TENM3: variants seen among roughly 807,000 people sequenced by gnomAD.
TENM3 encodes teneurin transmembrane protein 3, also known as teneurin-3.
In TENM3, 63 loss-of-function variants were observed where a neutral mutation model predicts 255.1. The observed-to-expected ratio is 0.25, with a 90% CI of 0.20 to 0.30. The LOEUF is 0.30. Among genes scored for constraint, TENM3 ranks in the 10% least tolerant of loss-of-function variants. The probability of loss-of-function intolerance (pLI) is 1.00; values close to 1 mark genes in which losing one functional copy is unlikely to be tolerated. For synonymous variants in TENM3, 1,306 were observed against 1,322.3 expected (o/e 0.99, Z 0.27); for missense variants, 2,929 against 3,461.1 (o/e 0.85, Z 3.86).
chr4:181,749,530 G>A, the TENM3 span, among the ~76,000 whole-genome samples: 2 of 152,110 alleles, frequency 1.3e-5, no homozygotes, highest in Admixed American at 1.3e-4. Context: ...ATGTTTGAGG[G>A]CAAGTATGTG....
chr4:181,963,064 A>C, the TENM3 span, among the ~76,000 whole-genome samples: 1 of 152,104 alleles, frequency 6.6e-6, no homozygotes, highest in African/African-American at 2.4e-5. Context: ...TTTGACATAG[A>C]TTGTGAGCTG....
the TENM3 span, among the ~76,000 whole-genome samples, chr4:181,756,400 TC>T: frequency 6.6e-6 from 1 of 152,200 alleles, no homozygotes; most frequent in Non-Finnish European, 1.5e-5. Context: ...ATTTTTTGTC[TC>T]CTCAAAACAA....
At chr4:182,513,500 G>GAAA (rs537847412) in intron 3 of TENM3, among the ~76,000 whole-genome samples, 3 of 133,616 alleles carry the variant, frequency 2.2e-5, no homozygotes, top group African/African-American at 2.7e-5. Context: ...GATCCTGAAT[G>GAAA]AAAAAAAAAA....
chr4:181,520,114 C>T, the TENM3 span, among the ~76,000 whole-genome samples: 2 of 152,078 alleles, frequency 1.3e-5, no homozygotes, highest in East Asian at 1.9e-4. Flanking sequence ...TGGCAAAGCC[C>T]CAAATCCTCT....
chr4:181,538,159 A>AAT, the TENM3 span, among the ~76,000 whole-genome samples: 2 of 152,166 alleles, frequency 1.3e-5, no homozygotes, highest in African/African-American at 4.8e-5. Context: ...TAATAAAAAT[A>AAT]ATATTTCAAA....
the TENM3 span, among the ~76,000 whole-genome samples, chr4:181,980,555 G>A: frequency 6.6e-6 from 1 of 152,138 alleles, no homozygotes; most frequent in Non-Finnish European, 1.5e-5. Flanking sequence ...GCTTATTGAA[G>A]GGTGATATTG....
the TENM3 span, among the ~76,000 whole-genome samples, chr4:181,883,630 A>G: frequency 5.9e-5 from 9 of 151,712 alleles, no homozygotes; most frequent in Admixed American, 1.3e-4. Flanking sequence ...GCCCGCCACC[A>G]CGCCTGGCTA....
intron 7 of TENM3, among the ~76,000 whole-genome samples, chr4:182,677,789 T>C (rs893234623): frequency 1.3e-5 from 2 of 152,150 alleles, no homozygotes; most frequent in African/African-American, 4.8e-5. Flanking sequence ...AATAAAAATT[T>C]TAGTAAGTCA....
rs1385716035 is a variant in TENM3 at position 182,468,822 on chromosome 4, G to C, written c.511+121893G>C. ...ATTGAAAATAAAAAAAATCCTGTGT[G>C]CTTGTGTGTGTGTGTGTGTGTGTGT... is the stretch of plus-strand genomic sequence containing the variant. On this transcript the variant is annotated intron_variant, in intron 3 of 27. Transcript: ENST00000511685. Among the ~76,000 whole-genome samples the C allele has an allele frequency of 3.8e-5, 4 of 104,074 alleles. No individual in the cohort carries two copies. The South Asian group carries it at 1.1e-3, about 28-fold the overall frequency. The allele number at this position is 104,074 out of a possible 152,430, so 68.3% of individuals were successfully genotyped here.
At chr4:182,457,523 G>T (rs1449680852) in intron 3 of TENM3, among the ~76,000 whole-genome samples, 1 of 146,158 alleles carries the variant, frequency 6.8e-6, no homozygotes, top group East Asian at 2.1e-4. Context: ...TGAGAGGTTT[G>T]AACCCAGACA....
chr4:182,538,004 A>G (rs1214231587), intron 3 of TENM3, among the ~76,000 whole-genome samples: 1 of 152,168 alleles, frequency 6.6e-6, no homozygotes, highest in East Asian at 1.9e-4. Context: ...AGCACTTACC[A>G]TTTGCTTTTG....
chr4:181,525,175 C>G, the TENM3 span, among the ~76,000 whole-genome samples: 1 of 152,052 alleles, frequency 6.6e-6, no homozygotes, highest in Non-Finnish European at 1.5e-5. Context: ...CCTTGGGAGG[C>G]CGAGGCAGGT....
chr4:182,469,310 T>C (rs1192924768), intron 3 of TENM3, among the ~76,000 whole-genome samples: 1 of 152,166 alleles, frequency 6.6e-6, no homozygotes, highest in Non-Finnish European at 1.5e-5. Context: ...ATTGCTGCAT[T>C]TTTAGTTCAC....
the TENM3 span, among the ~76,000 whole-genome samples, chr4:181,808,777 A>G: frequency 6.6e-6 from 1 of 152,206 alleles, no homozygotes; most frequent in African/African-American, 2.4e-5. Context: ...CACAAACCAC[A>G]AAATGGAATT....
chr4:182,461,504 C>T (rs1410914470), intron 3 of TENM3, among the ~76,000 whole-genome samples: 1 of 152,102 alleles, frequency 6.6e-6, no homozygotes, highest in African/African-American at 2.4e-5. Context: ...TTTAAATGTA[C>T]CTTTGAGATC....
chr4:182,072,834 G>A, the TENM3 span, among the ~76,000 whole-genome samples: 2 of 152,126 alleles, frequency 1.3e-5, no homozygotes, highest in South Asian at 4.1e-4. Flanking sequence ...CGTGGACTGA[G>A]TTGTGCTCCC....
chr4:182,126,084 T>C, the TENM3 span, among the ~76,000 whole-genome samples: 11 of 152,332 alleles, frequency 7.2e-5, no homozygotes, highest in Non-Finnish European at 1.5e-4. Flanking sequence ...TGTATCAGGC[T>C]GAACATCCCA....
intron 1 of TENM3, among the ~76,000 whole-genome samples, chr4:182,191,258 A>G (rs1753499582): frequency 6.6e-6 from 1 of 152,196 alleles, no homozygotes; most frequent in African/African-American, 2.4e-5. Context: ...TCTCTTTAAT[A>G]TGAATCCATC....
chr4:182,614,543 G>T (rs1272423997), intron 4 of TENM3, among the ~76,000 whole-genome samples: 2 of 152,020 alleles, frequency 1.3e-5, no homozygotes, highest in Non-Finnish European at 2.9e-5. Flanking sequence ...ATCAAGCCTT[G>T]AGACAAGCCT....
Sources: allele counts gnomAD v4.1 joint callset (sites outside exome capture counted in the v4.1 genomes callset), GRCh38; gene constraint gnomAD v4.1.1; transcripts MANE v1.5; gene names NCBI Gene and HGNC (gene_info 2026-07-23, HGNC 2026-07-21).